Variants in DGKB observed in about 807,000 individuals in gnomAD.
The protein encoded by DGKB is diacylglycerol kinase beta, also known as 90 kDa diacylglycerol kinase.
A neutral mutation model predicts 114.3 loss-of-function variants in DGKB; 67 were observed. The ratio of observed to expected loss-of-function variants is 0.59; its 90% CI spans 0.48 to 0.72. The LOEUF (loss-of-function observed/expected upper bound fraction) is 0.72. Among genes scored for constraint, DGKB ranks in the 30% least tolerant of loss-of-function variants. The pLI, the probability that DGKB is intolerant of heterozygous loss-of-function variation, is 0.00. For synonymous variants in DGKB, 398 were observed against 323.1 expected, an observed-to-expected ratio of 1.23 and a Z score of -2.49; for missense variants, 907 against 975.2, an observed-to-expected ratio of 0.93 and a Z score of 0.93.
intron 21 of DGKB, among the ~76,000 whole-genome samples, chr7:14,438,103 A>G (rs1829550730): frequency 6.6e-6 from 1 of 152,000 alleles, no homozygotes; most frequent in Admixed American, 6.6e-5. Context: ...AACCCCCAGA[A>G]CAAGTATCTA....
intron 14 of DGKB, among the ~76,000 whole-genome samples, chr7:14,627,584 G>GTC: frequency 7.8e-6 from 1 of 127,612 alleles, no homozygotes; most frequent in Middle Eastern, 3.8e-3. Flanking sequence ...GTATGTCTGT[G>GTC]TCTGTGTGTG....
intron 20 of DGKB, among the ~76,000 whole-genome samples, chr7:14,520,618 T>G: frequency 6.6e-6 from 1 of 152,074 alleles, no homozygotes; most frequent in Non-Finnish European, 1.5e-5. Context: ...ATTTTTACTC[T>G]TTGTTGTTTT....
At chr7:14,488,079 T>C (rs1041250364) in intron 20 of DGKB, among the ~76,000 whole-genome samples, 1 of 152,158 alleles carries the variant, frequency 6.6e-6, no homozygotes, top group African/African-American at 2.4e-5. Context: ...TGACTACAGC[T>C]AGGGAACCAG....
chr7:14,531,126 C>G (rs1403115303), intron 20 of DGKB, among the ~76,000 whole-genome samples: 1 of 151,198 alleles, frequency 6.6e-6, no homozygotes. Context: ...TCTGGTACAC[C>G]AAAGGGAATG....
At position 14,766,967 on chromosome 7, in the gene DGKB, A is replaced by G. The variant is rs562508964; in HGVS notation, c.71-9236T>C. On this transcript the variant is annotated intron_variant, in intron 2 of 25. Coordinates refer to ENST00000402815, the MANE Select transcript of DGKB (RefSeq NM_001350709.2). ...TGTGTCCCTTTCAAGGGCTGTTTCA[A>G]TTCAGTAGCTGGGAAAAAAAAAATA... Among the ~76,000 whole-genome samples, 68 of 151,804 alleles carry G rather than the reference A, an allele frequency of 4.5e-4. No individual in the cohort carries two copies. The South Asian group carries it at 0.013, about 29-fold the overall frequency.
At chr7:14,665,312 T>C (rs1407568457) in intron 13 of DGKB, among the ~76,000 whole-genome samples, 2 of 151,820 alleles carry the variant, frequency 1.3e-5, no homozygotes, top group Admixed American at 6.6e-5. Context: ...TTCTCACTTA[T>C]AAATGAGAGC....
chr7:14,604,011 G>T (rs1330282715), intron 17 of DGKB, among the ~76,000 whole-genome samples: 1 of 152,100 alleles, frequency 6.6e-6, no homozygotes, highest in Non-Finnish European at 1.5e-5. Context: ...TTTTAATGTA[G>T]TGAAGGAAAA....
chr7:14,645,634 A>G (rs927939923), intron 13 of DGKB, among the ~76,000 whole-genome samples: 2 of 152,098 alleles, frequency 1.3e-5, no homozygotes, highest in African/African-American at 4.8e-5. Context: ...TTAGACTAAC[A>G]ACACACTTCT....
chr7:14,788,938 G>A (rs955623462), intron 2 of DGKB, among the ~76,000 whole-genome samples: 2 of 152,156 alleles, frequency 1.3e-5, no homozygotes, highest in African/African-American at 2.4e-5. Flanking sequence ...AAAGGTGGGA[G>A]GCAGCACAGA....
chr7:14,277,261 C>A (rs1281604827), intron 23 of DGKB, among the ~76,000 whole-genome samples: 1 of 152,076 alleles, frequency 6.6e-6, no homozygotes, highest in South Asian at 2.1e-4. Context: ...ACCTCCACCT[C>A]CCAGGTTCAA....
intron 20 of DGKB, among the ~76,000 whole-genome samples, chr7:14,552,875 T>G (rs904327308): frequency 3.3e-5 from 5 of 152,200 alleles, no homozygotes; most frequent in African/African-American, 1.2e-4. Context: ...AAGAACATGA[T>G]AAGGCAGGGT....
intron 20 of DGKB, among the ~76,000 whole-genome samples, chr7:14,568,996 T>A (rs1051386681): frequency 6.6e-6 from 1 of 152,196 alleles, no homozygotes; most frequent in Admixed American, 6.5e-5. Context: ...ATGCATCCCA[T>A]ATGCTTTAAA....
chr7:14,517,803 A>G (rs1358477280), intron 20 of DGKB, among the ~76,000 whole-genome samples: 11 of 152,066 alleles, frequency 7.2e-5, no homozygotes, highest in Non-Finnish European at 1.5e-4. Context: ...AAAAAGTAAA[A>G]AAAAGTAACA....
chr7:14,659,260 A>C (rs1816527203), intron 13 of DGKB, among the ~76,000 whole-genome samples: 1 of 152,046 alleles, frequency 6.6e-6, no homozygotes, highest in Admixed American at 6.6e-5. Flanking sequence ...ACATCCTATC[A>C]TTTCCTGCTA....
intron 21 of DGKB, among the ~76,000 whole-genome samples, chr7:14,400,588 C>CT (rs564273099): frequency 6.6e-6 from 1 of 151,608 alleles, no homozygotes; most frequent in East Asian, 1.9e-4. Context: ...TACATTCAAA[C>CT]TTTTTTTTAT....
chr7:14,901,694 T>G (rs1783106564), intron 1 of DGKB, among the ~76,000 whole-genome samples: 1 of 139,304 alleles, frequency 7.2e-6, no homozygotes, highest in African/African-American at 2.7e-5. Flanking sequence ...ATTTTTAACA[T>G]TAATTATTTC....
At chr7:14,646,722 A>G (rs1426394595) in intron 13 of DGKB, among the ~76,000 whole-genome samples, 1 of 152,114 alleles carries the variant, frequency 6.6e-6, no homozygotes, top group Admixed American at 6.6e-5. Flanking sequence ...GAAATTAAAC[A>G]ACATGCTCCT....
At chr7:14,658,561 G>C (rs1190420124) in intron 13 of DGKB, among the ~76,000 whole-genome samples, 2 of 151,818 alleles carry the variant, frequency 1.3e-5, no homozygotes, top group Admixed American at 6.6e-5. Flanking sequence ...AAAATAGCTG[G>C]AAGAGAGGAC....
chr7:14,699,544 C>T (rs188274485), intron 7 of DGKB, among the ~76,000 whole-genome samples: 76 of 151,984 alleles, frequency 5.0e-4, no homozygotes, highest in Admixed American at 2.8e-3. Flanking sequence ...TGTTGTTTGC[C>T]GTATTGCAAA....
Sources: allele counts gnomAD v4.1 joint callset (sites outside exome capture counted in the v4.1 genomes callset), GRCh38; gene constraint gnomAD v4.1.1; transcripts MANE v1.5; gene names NCBI Gene and HGNC (gene_info 2026-07-23, HGNC 2026-07-21).